The following HS6ST3 variants were observed in gnomAD, a reference collection of about 807,000 sequenced individuals.
The protein encoded by HS6ST3 is heparan-sulfate 6-O-sulfotransferase 3.
Under a neutral mutation model 36.7 loss-of-function variants are expected in HS6ST3, and 12 were observed. That is an observed-to-expected ratio of 0.33 (90% CI 0.21 to 0.53). The LOEUF is 0.53. Ranked by LOEUF, HS6ST3 falls within the 20% of genes least tolerant of loss-of-function variation. HS6ST3 has a pLI of 0.95. For missense variants in HS6ST3, 584 were observed against 640.9 expected (o/e 0.91, Z 0.96); for synonymous variants, 240 against 257.5 (o/e 0.93, Z 0.65).
chr13:96,633,020 T>A (rs991860851), intron 1 of HS6ST3, among the ~76,000 whole-genome samples: 5 of 152,196 alleles, frequency 3.3e-5, no homozygotes, highest in Non-Finnish European at 7.4e-5. Flanking sequence ...CTCTTCTAAT[T>A]TTTTTTCTGT....
chr13:96,808,005 A>T lies in HS6ST3; in HGVS notation c.708-24485A>T, dbSNP rs2138532764. The stretch of plus-strand genomic sequence containing the variant: ...ATCAGATGACTGACTTCCAAAAAGA[A>T]TTTCTTGTCTCAGGGGACATCAGAT... On this transcript the variant is annotated intron_variant, in intron 1 of 1. Transcript: ENST00000376705. 2.0e-5 allele frequency among the ~76,000 whole-genome samples: 3 copies of T among 152,350 alleles called. 1 individual carries two copies. The South Asian group carries it at 6.2e-4, about 32-fold the overall frequency.
At chr13:96,226,253 G>T (rs1426909315) in intron 1 of HS6ST3, among the ~76,000 whole-genome samples, 1 of 152,220 alleles carries the variant, frequency 6.6e-6, no homozygotes, top group African/African-American at 2.4e-5. Flanking sequence ...AGACGCAGGG[G>T]CTCATGCCTG....
chr13:96,350,926 TA>T (rs1403976657), intron 1 of HS6ST3, among the ~76,000 whole-genome samples: 2 of 152,216 alleles, frequency 1.3e-5, no homozygotes, highest in Non-Finnish European at 2.9e-5. Context: ...TTTCTTAACT[TA>T]AATATTTCAG....
chr13:96,278,163 G>T (rs1306020661), intron 1 of HS6ST3, among the ~76,000 whole-genome samples: 1 of 152,148 alleles, frequency 6.6e-6, no homozygotes, highest in Admixed American at 6.6e-5. Flanking sequence ...CTGCCAGTAG[G>T]ATATCTGAAA....
At chr13:96,181,487 T>C (rs2054239742) in intron 1 of HS6ST3, among the ~76,000 whole-genome samples, 1 of 152,206 alleles carries the variant, frequency 6.6e-6, no homozygotes, top group Non-Finnish European at 1.5e-5. Flanking sequence ...TTTTTCTGCC[T>C]CGTTTGAGCT....
chr13:96,140,070 G>C (rs2054023304), intron 1 of HS6ST3, among the ~76,000 whole-genome samples: 2 of 152,032 alleles, frequency 1.3e-5, no homozygotes, highest in South Asian at 4.2e-4. Context: ...TTAGATAGGT[G>C]ATGAATATAT....
At chr13:96,538,605 G>A (rs535119249) in intron 1 of HS6ST3, among the ~76,000 whole-genome samples, 7 of 152,048 alleles carry the variant, frequency 4.6e-5, no homozygotes, top group South Asian at 4.2e-4. Context: ...CACCATGCCC[G>A]GCTAATTTTT....
At chr13:96,820,005 G>A (rs1878499266) in intron 1 of HS6ST3, among the ~76,000 whole-genome samples, 1 of 152,106 alleles carries the variant, frequency 6.6e-6, no homozygotes, top group Non-Finnish European at 1.5e-5. Context: ...GAACCTGGGA[G>A]GCAGAGTTTG....
At position 96,152,335 on chromosome 13, in the gene HS6ST3, TG is replaced by T. The variant is rs1278942765; in HGVS notation, c.707+60767del. On this transcript the variant is annotated intron_variant, in intron 1 of 1. Transcript: ENST00000376705. The stretch of plus-strand genomic sequence containing the variant: ...CCTTTCCTTTTTTTTTTTTTTTTTT[TG>T]TTGTTGTTGTTGTTGTTTTGAGACG... 8.0e-3 allele frequency among the ~76,000 whole-genome samples: 1,054 copies of T among 132,460 alleles called. 7 individuals carry two copies. The highest frequency in any genetic ancestry group is 0.029 in the African/African-American group (1,010 of 35,398). The allele number at this position is 132,460 out of a possible 152,430, so 86.9% of individuals were successfully genotyped here.
chr13:96,603,040 G>A (rs548857080), intron 1 of HS6ST3, among the ~76,000 whole-genome samples: 2 of 152,108 alleles, frequency 1.3e-5, no homozygotes, highest in African/African-American at 4.8e-5. Flanking sequence ...AAGTATTTTT[G>A]TGCATGGATA....
At chr13:96,302,145 A>C (rs1034899135) in intron 1 of HS6ST3, among the ~76,000 whole-genome samples, 1 of 151,874 alleles carries the variant, frequency 6.6e-6, no homozygotes, top group Non-Finnish European at 1.5e-5. Flanking sequence ...GGGCAACCTG[A>C]CAATATGTAT....
intron 1 of HS6ST3, among the ~76,000 whole-genome samples, chr13:96,603,516 A>G (rs186816167): frequency 6.6e-6 from 1 of 152,284 alleles, no homozygotes; most frequent in Admixed American, 6.5e-5. Flanking sequence ...TAGTGTCTCT[A>G]TAAATACTTA....
At position 96,837,619 on chromosome 13, in the gene HS6ST3, T is replaced by G. The variant is rs576646762; in HGVS notation, c.*4421T>G. 6.6e-6 allele frequency: 1 copy of G among 152,276 alleles called. No individual in the cohort carries two copies. Among genetic ancestry groups the G allele is most frequent in the Admixed American group, 6.5e-5 (1 of 15,286 alleles). The allele number at this position is 152,276 out of a possible 1,614,324, so 9.4% of individuals were successfully genotyped here. A position where few individuals can be genotyped will look rare whatever the true frequency, so the allele number is the denominator to read the frequency against. The stretch of plus-strand genomic sequence containing the variant: ...AAAATGCCAAAGACACTGGTCAAGT[T>G]TACTCTCAGCTCCCTACCTCCAGTG... On this transcript the variant is annotated 3_prime_UTR_variant, in exon 2 of 2. Transcript: ENST00000376705.
At chr13:96,458,932 C>T (rs1323586462) in intron 1 of HS6ST3, among the ~76,000 whole-genome samples, 6 of 151,394 alleles carry the variant, frequency 4.0e-5, no homozygotes, top group Non-Finnish European at 5.9e-5. Context: ...GGTGAATCCC[C>T]GTTTGTACTA....
At chr13:96,194,556 TATC>T (rs2054303300) in intron 1 of HS6ST3, among the ~76,000 whole-genome samples, 1 of 152,178 alleles carries the variant, frequency 6.6e-6, no homozygotes, top group South Asian at 2.1e-4. Flanking sequence ...GTGAGGTGAT[TATC>T]ATCATCAAAC....
chr13:96,454,013 G>T (rs146251873), intron 1 of HS6ST3, among the ~76,000 whole-genome samples: 119 of 152,192 alleles, frequency 7.8e-4, no homozygotes, highest in African/African-American at 2.8e-3. Context: ...ATTCTTGAAA[G>T]AAGTTGACAC....
At chr13:96,813,553 C>T (rs1015442313) in intron 1 of HS6ST3, among the ~76,000 whole-genome samples, 3 of 152,200 alleles carry the variant, frequency 2.0e-5, no homozygotes, top group African/African-American at 7.2e-5. Flanking sequence ...TATATTGACT[C>T]TCCACTGTGG....
chr13:96,605,740 A>C (rs1173595100), intron 1 of HS6ST3, among the ~76,000 whole-genome samples: 2 of 152,172 alleles, frequency 1.3e-5, no homozygotes, highest in African/African-American at 4.8e-5. Flanking sequence ...AAACCACCCA[A>C]GAATTTCTGT....
chr13:96,833,044 AC>A lies in HS6ST3; in HGVS notation c.1263del (p.His421GlnfsTer5), dbSNP rs748257864. ...GATCTCTTCCAGCAGCGCTACCACC[AC>A]ACCAAGCAGCTAGAGCACCAGAGGG... ...AKDLFQQRYHHTKQLEHQRDR... is the reference protein window; with the variant it reads ...AKDLFQQRYHXTKQLEHQRDR... On this transcript the variant is annotated frameshift_variant, in exon 2 of 2. Coordinates refer to ENST00000376705, the MANE Select transcript of HS6ST3 (RefSeq NM_153456.4). LOFTEE classifies it high-confidence loss of function. 6.2e-7 allele frequency: 1 copy of A among 1,613,474 alleles called. No homozygotes were observed. Among genetic ancestry groups the A allele is most frequent in the African/African-American group, 1.3e-5 (1 of 74,924 alleles).
Sources: allele counts gnomAD v4.1 joint callset (sites outside exome capture counted in the v4.1 genomes callset), GRCh38; gene constraint gnomAD v4.1.1; transcripts MANE v1.5; gene names NCBI Gene and HGNC (gene_info 2026-07-23, HGNC 2026-07-21).